The following FCHSD2 variants were observed in gnomAD, a reference collection of about 807,000 sequenced individuals.
FCHSD2 encodes F-BAR and double SH3 domains protein 2.
A neutral mutation model predicts 108.1 loss-of-function variants in FCHSD2; 38 were observed. The observed-to-expected ratio is 0.35, with a 90% CI of 0.27 to 0.46. The LOEUF is 0.46. Among genes scored for constraint, FCHSD2 ranks in the 20% least tolerant of loss-of-function variants. The pLI is 1.00. For synonymous variants in FCHSD2, 279 were observed against 314.7 expected, an observed-to-expected ratio of 0.89 and a Z score of 1.20; for missense variants, 751 against 897.8, an observed-to-expected ratio of 0.84 and a Z score of 2.09.
intron 8 of FCHSD2, among the ~76,000 whole-genome samples, chr11:72,938,415 A>G (rs909165552): frequency 6.6e-6 from 1 of 152,224 alleles, no homozygotes; most frequent in African/African-American, 2.4e-5. Flanking sequence ...AGTTTCAAAG[A>G]TTGAGACCAG....
At chr11:72,872,952 T>C (rs904019730) in intron 12 of FCHSD2, among the ~76,000 whole-genome samples, 4 of 152,232 alleles carry the variant, frequency 2.6e-5, no homozygotes, top group African/African-American at 7.2e-5. Context: ...TGCTTGTTAA[T>C]GTCTGTCTTT....
chr11:73,134,984 GC>G (rs1286775414), intron 2 of FCHSD2, among the ~76,000 whole-genome samples: 5 of 152,016 alleles, frequency 3.3e-5, no homozygotes, highest in African/African-American at 9.7e-5. Context: ...AGCTAGAGTA[GC>G]TAGGATTATA....
At chr11:73,097,031 T>TCAC (rs1359539322) in intron 2 of FCHSD2, among the ~76,000 whole-genome samples, 3 of 128,240 alleles carry the variant, frequency 2.3e-5, no homozygotes, top group Admixed American at 1.7e-4. Flanking sequence ...AGACAGGGTC[T>TCAC]CACTCTGGTC....
intron 5 of FCHSD2, among the ~76,000 whole-genome samples, chr11:72,989,489 T>C (rs964738859): frequency 6.6e-6 from 1 of 152,194 alleles, no homozygotes; most frequent in Non-Finnish European, 1.5e-5. Flanking sequence ...CTCTTTATGT[T>C]TGGGTAACCG....
At chr11:72,868,049 G>T (rs376083184) in intron 12 of FCHSD2, 23 bp from the exon 13 acceptor site, 1 of 1,544,130 alleles carries the variant, frequency 6.5e-7, no homozygotes, top group African/African-American at 1.4e-5. Context: ...GAAAATGGTC[G>T]GAAATCAAGG....
intron 8 of FCHSD2, among the ~76,000 whole-genome samples, chr11:72,971,429 A>C (rs959351431): frequency 6.6e-6 from 1 of 152,158 alleles, no homozygotes; most frequent in African/African-American, 2.4e-5. Flanking sequence ...AAATGGCAAA[A>C]GGGAGATTAT....
At chr11:72,842,027 G>A (rs1860970545) in intron 17 of FCHSD2, among the ~76,000 whole-genome samples, 3 of 152,138 alleles carry the variant, frequency 2.0e-5, no homozygotes, top group Non-Finnish European at 2.9e-5. Context: ...AAACAAGATC[G>A]GCAAACACGT....
chr11:73,091,959 G>A (rs934599844), intron 2 of FCHSD2, among the ~76,000 whole-genome samples: 28 of 151,724 alleles, frequency 1.8e-4, no homozygotes, highest in African/African-American at 5.8e-4. Flanking sequence ...TGTTTGTACC[G>A]GGGAGACAGA....
intron 3 of FCHSD2, among the ~76,000 whole-genome samples, chr11:73,061,178 G>C (rs1015496330): frequency 3.3e-5 from 5 of 152,064 alleles, no homozygotes; most frequent in African/African-American, 9.7e-5. Flanking sequence ...GAAGCAGGGT[G>C]GGGGGTCACC....
chr11:72,960,550 G>C (rs1856802187), intron 8 of FCHSD2, among the ~76,000 whole-genome samples: 3 of 152,164 alleles, frequency 2.0e-5, no homozygotes, highest in Admixed American at 2.0e-4. Flanking sequence ...CTTGAGCCTA[G>C]CAGTTTCATA....
intron 8 of FCHSD2, among the ~76,000 whole-genome samples, chr11:72,951,461 G>A (rs1305246056): frequency 1.3e-5 from 2 of 152,134 alleles, no homozygotes; most frequent in Non-Finnish European, 2.9e-5. Context: ...TGACTTATAC[G>A]TAAAGCACTT....
chr11:72,871,882 G>A (rs938126330), intron 12 of FCHSD2, among the ~76,000 whole-genome samples: 2 of 151,074 alleles, frequency 1.3e-5, no homozygotes, highest in African/African-American at 4.9e-5. Context: ...GTGAACTGCT[G>A]TGCCCAACAG....
chr11:72,907,406 T>C (rs549717343), intron 9 of FCHSD2, among the ~76,000 whole-genome samples: 4 of 151,882 alleles, frequency 2.6e-5, no homozygotes, highest in South Asian at 4.2e-4. Flanking sequence ...ATCCTTATCT[T>C]GTGCTGGTTT....
intron 12 of FCHSD2, among the ~76,000 whole-genome samples, chr11:72,882,142 CA>C (rs943533586): frequency 7.1e-6 from 1 of 140,180 alleles, no homozygotes; most frequent in African/African-American, 2.7e-5. Context: ...GACTCCGTCT[CA>C]AAAAAAAAGA....
intron 3 of FCHSD2, among the ~76,000 whole-genome samples, chr11:73,077,206 A>C (rs1859579093): frequency 6.6e-6 from 1 of 152,002 alleles, no homozygotes; most frequent in Non-Finnish European, 1.5e-5. Flanking sequence ...GTTTCTTTAA[A>C]AATTAAGAAA....
intron 2 of FCHSD2, among the ~76,000 whole-genome samples, chr11:73,138,576 T>A (rs926833061): frequency 6.6e-6 from 1 of 151,946 alleles, no homozygotes; most frequent in Admixed American, 6.6e-5. Flanking sequence ...TTTAACCATG[T>A]CAAGAGTTTC....
intron 2 of FCHSD2, among the ~76,000 whole-genome samples, chr11:73,137,248 G>A (rs1429574646): frequency 2.0e-5 from 3 of 151,190 alleles, no homozygotes; most frequent in Non-Finnish European, 2.9e-5. Context: ...TAGGTAATAC[G>A]GTATCCTATT....
chr11:72,980,419 T>C (rs1857190436), intron 8 of FCHSD2, among the ~76,000 whole-genome samples: 1 of 152,142 alleles, frequency 6.6e-6, no homozygotes, highest in African/African-American at 2.4e-5. Flanking sequence ...AGTTACAATT[T>C]CATTTCATTT....
Position 73,083,759 on chromosome 11 carries a change from A to G in FCHSD2, c.120-19T>C, listed in dbSNP as rs1169005429. ...GAATGTCCTAAAAATACAAAGAAAA[A>G]TTAATTACCAGAAGGATAACTTAAT... On this transcript the variant is annotated intron_variant, in intron 2 of 19. Transcript: ENST00000409418. 6.9e-7 allele frequency: 1 copy of G among 1,451,138 alleles called. No individual in the cohort carries two copies. Among genetic ancestry groups the G allele is most frequent in the East Asian group, 2.5e-5 (1 of 40,468 alleles). 89.9% of individuals were successfully genotyped at this position (1,451,138 alleles called of 1,614,324 possible). A position where few individuals can be genotyped will look rare whatever the true frequency, so the allele number is the denominator to read the frequency against.
Sources: allele counts gnomAD v4.1 joint callset (sites outside exome capture counted in the v4.1 genomes callset), GRCh38; gene constraint gnomAD v4.1.1; transcripts MANE v1.5; gene names NCBI Gene and HGNC (gene_info 2026-07-23, HGNC 2026-07-21).